TROAP: variants seen among roughly 807,000 people sequenced by gnomAD.
The protein encoded by TROAP is trophinin associated protein.
TROAP carries 62 observed loss-of-function variants against 83.4 expected under a neutral mutation model. The ratio of observed to expected loss-of-function variants is 0.74; its 90% confidence interval spans 0.61 to 0.92. The LOEUF is 0.92. Ranked by LOEUF, TROAP falls within the 40% of genes least tolerant of loss-of-function variation. The probability of loss-of-function intolerance (pLI) is 0.00; values close to 1 mark genes in which losing one functional copy is unlikely to be tolerated. For synonymous variants in TROAP, 352 were observed against 386.4 expected (o/e 0.91, Z 1.04); for missense variants, 876 against 985.1 (o/e 0.89, Z 1.48).
intron 14 of TROAP, 49 bp downstream of exon 14, chr12:49,331,456 G>A: frequency 6.2e-7 from 1 of 1,608,234 alleles, no homozygotes; most frequent in Non-Finnish European, 8.5e-7. Context: ...TGAGCCTGAT[G>A]GGAGGTGGGG....
intron 12 of TROAP, 76 bp downstream of exon 12, chr12:49,330,067 G>A: frequency 1.2e-6 from 2 of 1,605,826 alleles, no homozygotes; most frequent in Non-Finnish European, 1.7e-6. Context: ...AGAGATGGGG[G>A]ATCAGGAATA....
chr12:49,328,680 T>C (rs1288983292), intron 8 of TROAP, among the ~76,000 whole-genome samples: 2 of 151,858 alleles, frequency 1.3e-5, no homozygotes, highest in Non-Finnish European at 2.9e-5. Context: ...CTGGCTAACA[T>C]GGTGAAACCC....
chr12:49,326,072 T>A lies in TROAP; in HGVS notation c.634-4T>A, dbSNP rs761555642. On this transcript the variant is annotated splice_region_variant and splice_polypyrimidine_tract_variant and intron_variant, in intron 5 of 14. Transcript: ENST00000257909. ...CGTTTTCATCTCTTGCTCCTGTGGA[T>A]CAGATTTCACCTTCAGGACCTTCCT... is the stretch of plus-strand genomic sequence containing the variant. 6.2e-7 allele frequency: 1 copy of A among 1,613,604 alleles called. No individual in the cohort carries two copies. The highest frequency in any genetic ancestry group is 1.1e-5 in the South Asian group (1 of 91,064).
intron 5 of TROAP, 86 bp downstream of exon 5, chr12:49,325,970 A>G: frequency 1.2e-6 from 2 of 1,605,164 alleles, no homozygotes; most frequent in Non-Finnish European, 1.7e-6. Context: ...GAGGTACCTC[A>G]TGATGAGGCA....
rs1565667250 is a variant in TROAP, at chr12:49,323,637, CCCT to C, written c.35_37del (p.Leu12del). On this transcript the variant is annotated inframe_deletion, in exon 2 of 15. Coordinates refer to ENST00000257909, the MANE Select transcript of TROAP (RefSeq NM_005480.4). ...ACCACCCGGCAAGCCACGAAGGATC[CCCT>C]CCTCCGGGGTGTATCTCCTACCCCT... is the stretch of plus-strand genomic sequence containing the variant. 6.2e-7 allele frequency: 1 copy of C among 1,614,026 alleles called. No individual in the cohort carries two copies. The highest frequency in any genetic ancestry group is 2.2e-5 in the East Asian group (1 of 44,880).
rs78961476 is a variant in TROAP at position 49,327,232 on chromosome 12, C to T, written c.793C>T (p.Arg265Cys). The T allele has an allele frequency of 0.014, 22,824 of 1,614,108 alleles. 304 individuals are homozygous for T. The highest frequency in any genetic ancestry group is 0.057 in the Middle Eastern group (347 of 6,060). ...AGCTTTCTCTCTTCCTAAAGGAGAA[C>T]GCGAGGTTGTCACTCACTCAGATGA... ...QPAFSLPKGE[R>C]EVVTHSDEGG... The change falls in exon 8 of 15, where the codon CGC becomes TGC. Residue 265 changes from arginine to cysteine, a missense_variant. Arg to Cys is a radical substitution (Grantham distance 180). Around this residue, in one of 3 missense-constraint regions of TROAP, gnomAD observed 689 missense variants for 722.6 expected, o/e 0.95. Coordinates refer to ENST00000257909, the MANE Select transcript of TROAP (RefSeq NM_005480.4).
chr12:49,324,107 T>C (rs1402629361), intron 3 of TROAP, 70 bp downstream of exon 3: 3 of 1,612,408 alleles, frequency 1.9e-6, no homozygotes, highest in Admixed American at 1.7e-5. Context: ...AAAAGTGGGG[T>C]TTTGGGGTTT....
Position 49,325,606 on chromosome 12 carries a change from C to G in TROAP, c.443C>G (p.Ala148Gly). 6.2e-7 allele frequency: 1 copy of G among 1,613,932 alleles called. No homozygotes were observed. The highest frequency in any genetic ancestry group is 8.5e-7 in the Non-Finnish European group (1 of 1,180,008). Reference sequence around the variant, plus strand: ...CACCTGGGGCGCCAGCCTAGTCTGGCTAAAAGAGTACTGGTTCGAGGAAGT... The same window carrying G: ...CACCTGGGGCGCCAGCCTAGTCTGGGTAAAAGAGTACTGGTTCGAGGAAGT... ...SCHLGRQPSL[A>G]KRVLVRGSQG... Residue 148 changes from alanine to glycine, a missense_variant, in exon 4 of 15, where the codon GCT becomes GGT. Ala to Gly is a moderately conservative substitution (Grantham distance 60). This residue lies in a region of TROAP where 689 missense variants were observed against 722.6 expected (regional missense o/e 0.95). Transcript: ENST00000257909.
At chr12:49,324,353 A>AGAGGGAAAGAGAGAACATCTG in intron 3 of TROAP, 2 of 557,474 alleles carry the variant, frequency 3.6e-6, no homozygotes. Flanking sequence ...TAAAAAATAA[A>AGAGGGAAAGAGAGAACATCTG]TAAATAAATA....
chr12:49,325,478 T>C, intron 3 of TROAP, 23 bp from the exon 4 acceptor site: 1 of 1,607,444 alleles, frequency 6.2e-7, no homozygotes, highest in Non-Finnish European at 8.5e-7. Context: ...CCCCTTCCTT[T>C]TCCTTCTCCT....
rs1178080690 is a variant in TROAP at position 49,326,100 on chromosome 12, C to T, written c.658C>T (p.His220Tyr). The T allele has an allele frequency of 1.2e-6, 2 of 1,613,962 alleles. No homozygotes were observed. Among genetic ancestry groups the T allele is most frequent in the East Asian group, 2.2e-5 (1 of 44,894 alleles). ...ALISPSGPSF[H>Y]PSTRPSFQEL... ...GATTTCACCTTCAGGACCTTCCTTT[C>T]ACCCTTCCACTCGCCCCAGTTTCCA... Residue 220 changes from histidine (H) to tyrosine (Y), a missense_variant, in exon 6 of 15, where the codon CAC becomes TAC. Physicochemically the swap from His to Tyr is moderately conservative, Grantham distance 83 (BLOSUM62 2). This residue lies in a region of TROAP where 689 missense variants were observed against 722.6 expected (regional missense o/e 0.95). Transcript: ENST00000257909.
chr12:49,328,844 A>C, intron 8 of TROAP, 83 bp from the exon 9 acceptor site: 1 of 1,482,796 alleles, frequency 6.7e-7, no homozygotes, highest in Non-Finnish European at 9.0e-7. Context: ...ATCCTGGGTG[A>C]CAGAGCGAGA....
intron 13 of TROAP, 33 bp downstream of exon 13, chr12:49,330,976 A>G (rs1245741849): frequency 6.2e-7 from 1 of 1,604,936 alleles, no homozygotes. Flanking sequence ...GTGTGAACAC[A>G]AGAGGTCCTC....
chr12:49,328,161 G>A (rs2137069760), intron 8 of TROAP, among the ~76,000 whole-genome samples: 1 of 151,398 alleles, frequency 6.6e-6, no homozygotes, highest in African/African-American at 2.4e-5. Flanking sequence ...GGAATGAGTG[G>A]AAAGCCATGG....
At chr12:49,326,383 G>A (rs1324862560) in intron 6 of TROAP, among the ~76,000 whole-genome samples, 1 of 152,190 alleles carries the variant, frequency 6.6e-6, no homozygotes, top group Non-Finnish European at 1.5e-5. Context: ...GTCATGGGGG[G>A]ACAGGGAGGA....
chr12:49,324,339 T>C, intron 3 of TROAP: 1 of 625,086 alleles, frequency 1.6e-6, no homozygotes, highest in Non-Finnish European at 2.8e-6. Context: ...AGATCCCATC[T>C]CTTTAAAAAA....
chr12:49,326,273 C>A, intron 6 of TROAP, 115 bp downstream of exon 6: 2 of 1,037,154 alleles, frequency 1.9e-6, no homozygotes, highest in Non-Finnish European at 1.5e-6. Context: ...CCCACCAACT[C>A]AGGAGGGGAA....
At position 49,325,491 on chromosome 12, in the gene TROAP, T is replaced by G; in HGVS notation, c.338-10T>G. 6.2e-6 allele frequency: 10 copies of G among 1,611,426 alleles called. No homozygotes were observed. The highest frequency in any genetic ancestry group is 1.3e-5 in the African/African-American group (1 of 74,948). ...TCCCCCTTCCTTTTCCTTCTCCTCT[T>G]TCCTTGCAGAGGCTCCAGGGACCAT... is the stretch of plus-strand genomic sequence containing the variant. On this transcript the variant is annotated splice_polypyrimidine_tract_variant and intron_variant, in intron 3 of 14. Coordinates refer to ENST00000257909, the MANE Select transcript of TROAP (RefSeq NM_005480.4).
rs1241601329 is a variant in TROAP, at chr12:49,331,558, C to A, written c.2293-15C>A. On this transcript the variant is annotated splice_polypyrimidine_tract_variant and intron_variant, in intron 14 of 14. Coordinates refer to ENST00000257909, the MANE Select transcript of TROAP (RefSeq NM_005480.4). Reference sequence around the variant, plus strand: ...AAGGTTGGCTGAGCTGTGACAAGGTCTTCTCTGTCTCCAGTGTTTCATTCC... The same window carrying A: ...AAGGTTGGCTGAGCTGTGACAAGGTATTCTCTGTCTCCAGTGTTTCATTCC... 9 of 1,614,054 alleles carry A rather than the reference C, an allele frequency of 5.6e-6. No homozygotes were observed. In the Admixed American group the frequency reaches 1.5e-4, roughly 27 times the overall value.
Sources: allele counts gnomAD v4.1 joint callset (sites outside exome capture counted in the v4.1 genomes callset), GRCh38; gene constraint gnomAD v4.1.1; regional missense constraint gnomAD v4.1.1; transcripts MANE v1.5; gene names NCBI Gene and HGNC (gene_info 2026-07-23, HGNC 2026-07-21).